KREMEN1: variants seen among roughly 807,000 people sequenced by gnomAD.
The protein encoded by KREMEN1 is kremen protein 1.
In KREMEN1, 30 loss-of-function variants were observed where a neutral mutation model predicts 46.5. The ratio of observed to expected loss-of-function variants is 0.65; its 90% CI spans 0.48 to 0.88. The LOEUF is 0.88. Ranked by LOEUF, KREMEN1 falls within the 40% of genes least tolerant of loss-of-function variation. The probability of loss-of-function intolerance (pLI) is 0.00; values close to 1 mark genes in which losing one functional copy is unlikely to be tolerated. For synonymous variants in KREMEN1, 214 were observed against 230.6 expected (o/e 0.93, Z 0.65); for missense variants, 533 against 596.9 (o/e 0.89, Z 1.11).
chr22:29,136,414 A>C (rs2038658173), intron 5 of KREMEN1, among the ~76,000 whole-genome samples: 1 of 151,944 alleles, frequency 6.6e-6, no homozygotes, highest in Admixed American at 6.5e-5. Context: ...TCTACTAAAA[A>C]TACAAAAAAA....
chr22:29,154,807 G>C (rs936004342), intron 9 of KREMEN1: 3 of 151,912 alleles, frequency 2.0e-5, no homozygotes, highest in Non-Finnish European at 2.9e-5. Flanking sequence ...AATCAGCCTG[G>C]GCAAAATTGC....
intron 9 of KREMEN1, among the ~76,000 whole-genome samples, chr22:29,158,472 T>C (rs145412163): frequency 0.017 from 2,590 of 152,284 alleles, 29 homozygotes; most frequent in Middle Eastern, 0.058. Context: ...AAACTGGGCC[T>C]GGAGGGCTGG....
intron 2 of KREMEN1, among the ~76,000 whole-genome samples, chr22:29,095,682 A>C (rs561539066): frequency 1.3e-5 from 2 of 152,148 alleles, no homozygotes; most frequent in Non-Finnish European, 2.9e-5. Context: ...TATGGGCCAC[A>C]CTGTTTACCT....
intron 2 of KREMEN1, 76 bp from the exon 3 acceptor site, chr22:29,098,786 T>C (rs1298265431): frequency 8.1e-6 from 9 of 1,106,710 alleles, no homozygotes; most frequent in African/African-American, 1.5e-5. Flanking sequence ...CATTTCCTTT[T>C]CTGTAAAACT....
At chr22:29,088,834 G>A (rs1223332047) in intron 1 of KREMEN1, among the ~76,000 whole-genome samples, 1 of 152,170 alleles carries the variant, frequency 6.6e-6, no homozygotes, top group African/African-American at 2.4e-5. Flanking sequence ...AAGAAACTGA[G>A]GCTCAAGGAG....
intron 6 of KREMEN1, 21 bp downstream of exon 6, chr22:29,137,695 T>TG (rs758161994): frequency 1.1e-4 from 166 of 1,561,622 alleles, no homozygotes; most frequent in Non-Finnish European, 1.4e-4. Context: ...TTTGCCTCCT[T>TG]GGGGGTTCTT....
intron 4 of KREMEN1, among the ~76,000 whole-genome samples, chr22:29,123,797 A>G (rs1038606154): frequency 2.0e-5 from 3 of 152,232 alleles, no homozygotes; most frequent in Non-Finnish European, 2.9e-5. Flanking sequence ...CTGAAAAACA[A>G]AAGAAAACAA....
intron 3 of KREMEN1, among the ~76,000 whole-genome samples, chr22:29,100,604 A>G (rs188218656): frequency 3.9e-5 from 6 of 152,358 alleles, no homozygotes; most frequent in African/African-American, 1.4e-4. Flanking sequence ...TGATAATGAT[A>G]GTAAACAACT....
intron 5 of KREMEN1, among the ~76,000 whole-genome samples, chr22:29,131,100 G>A (rs2038526894): frequency 6.6e-6 from 1 of 152,126 alleles, no homozygotes; most frequent in Non-Finnish European, 1.5e-5. Flanking sequence ...CACTTACTGA[G>A]CTTATACTGT....
chr22:29,138,855 A>G (rs1259672830), intron 7 of KREMEN1, 73 bp downstream of exon 7: 1 of 1,607,052 alleles, frequency 6.2e-7, no homozygotes, highest in African/African-American at 1.3e-5. Flanking sequence ...GACAGTTATA[A>G]AGACAAAAGC....
intron 3 of KREMEN1, among the ~76,000 whole-genome samples, chr22:29,107,906 C>T (rs1366076369): frequency 6.6e-6 from 1 of 152,168 alleles, no homozygotes; most frequent in Non-Finnish European, 1.5e-5. Flanking sequence ...CTTTAAGCCT[C>T]TCCTTGGTAG....
At chr22:29,092,960 G>A (rs2037826042) in intron 1 of KREMEN1, among the ~76,000 whole-genome samples, 1 of 152,188 alleles carries the variant, frequency 6.6e-6, no homozygotes, top group Admixed American at 6.5e-5. Context: ...GGGCAACAGA[G>A]TGAGACTCCA....
intron 5 of KREMEN1, among the ~76,000 whole-genome samples, chr22:29,132,970 C>T (rs545516482): frequency 2.0e-5 from 3 of 152,174 alleles, no homozygotes; most frequent in East Asian, 1.9e-4. Flanking sequence ...GTTTTGAGGC[C>T]GGATGTGGTG....
intron 1 of KREMEN1, among the ~76,000 whole-genome samples, chr22:29,085,843 T>A (rs925097898): frequency 2.0e-5 from 3 of 152,018 alleles, no homozygotes; most frequent in Admixed American, 2.0e-4. Flanking sequence ...TGGTTACACA[T>A]GCCTATAGTC....
intron 3 of KREMEN1, among the ~76,000 whole-genome samples, chr22:29,111,215 G>A (rs1601778476): frequency 6.6e-6 from 1 of 151,934 alleles, no homozygotes; most frequent in South Asian, 2.1e-4. Context: ...GGCTGAGATG[G>A]GAAGATCACT....
chr22:29,118,807 A>G (rs1405373583), intron 3 of KREMEN1, among the ~76,000 whole-genome samples: 1 of 152,186 alleles, frequency 6.6e-6, no homozygotes, highest in African/African-American at 2.4e-5. Flanking sequence ...AACACCAGAT[A>G]TAGGGATTTG....
At position 29,120,035 on chromosome 22, in the gene KREMEN1, A is replaced by AGGAGAGGTGATGAAGGAAACAGGGAGGAG. The variant is rs2038307431; in HGVS notation, c.353-1309_353-1308insAGGAAACAGGGAGGAGGGAGAGGTGATGA. On this transcript the variant is annotated intron_variant, in intron 3 of 8. Transcript: ENST00000400335. ...GGTGATGAAGGAAACAGAGGGAGGAAGGAGAGGTGATGATGGAAACAGGGA... is the reference window on the plus strand; with the variant it reads ...GGTGATGAAGGAAACAGAGGGAGGAAGGAGAGGTGATGAAGGAAACAGGGAGGAGGGAGAGGTGATGATGGAAACAGGGA... 2.0e-5 allele frequency among the ~76,000 whole-genome samples: 2 copies of AGGAGAGGTGATGAAGGAAACAGGGAGGAG among 98,874 alleles called. 1 individual carries two copies. The highest frequency in any genetic ancestry group is 4.3e-5 in the Non-Finnish European group (2 of 46,948). 64.9% of individuals were successfully genotyped at this position (98,874 alleles called of 152,430 possible).
At chr22:29,138,100 C>G (rs1194398494) in intron 6 of KREMEN1, among the ~76,000 whole-genome samples, 2 of 152,232 alleles carry the variant, frequency 1.3e-5, no homozygotes, top group African/African-American at 4.8e-5. Flanking sequence ...TGGAGCCACA[C>G]TCTCTGCCTC....
chr22:29,099,297 T>C, intron 3 of KREMEN1: 1 of 194,212 alleles, frequency 5.1e-6, no homozygotes, highest in South Asian at 1.1e-4. Flanking sequence ...GGAATGAACA[T>C]CTTTATACAT....
Sources: allele counts gnomAD v4.1 joint callset (sites outside exome capture counted in the v4.1 genomes callset), GRCh38; gene constraint gnomAD v4.1.1; transcripts MANE v1.5; gene names NCBI Gene and HGNC (gene_info 2026-07-23, HGNC 2026-07-21).